Variants in TSPAN18 observed in about 807,000 individuals in gnomAD.
TSPAN18 encodes tetraspanin-18.
TSPAN18 carries 14 observed loss-of-function variants against 27.3 expected under a neutral mutation model. The observed-to-expected ratio is 0.51, with a 90% CI of 0.34 to 0.80. The LOEUF is 0.80. TSPAN18 is among the 30% of genes least tolerant of loss of function. TSPAN18 has a pLI of 0.01. For missense variants in TSPAN18, 268 were observed against 323.9 expected (o/e 0.83, Z 1.32); for synonymous variants, 143 against 136.5 (o/e 1.05, Z -0.33).
rs569204338 is a variant in TSPAN18, at chr11:44,909,495, G to A, written c.64-210G>A. On this transcript the variant is annotated intron_variant, in intron 4 of 9. Transcript: ENST00000520358. ...AAATTGGATTTAGAGGATGCGTGTT[G>A]CACTTAAGGTCACGGCAGCTAGAAA... 44 of 566,402 alleles carry A rather than the reference G, an allele frequency of 7.8e-5. No homozygotes were observed. In the East Asian group the frequency reaches 1.3e-3, roughly 16 times the overall value. 35.1% of individuals were successfully genotyped at this position (566,402 alleles called of 1,614,324 possible).
chr11:44,760,678 A>C (rs1855433975), intron 1 of TSPAN18, among the ~76,000 whole-genome samples: 1 of 152,202 alleles, frequency 6.6e-6, no homozygotes, highest in African/African-American at 2.4e-5. Flanking sequence ...TTTGGAAGAA[A>C]GAAGAGGAGG....
intron 8 of TSPAN18, among the ~76,000 whole-genome samples, chr11:44,923,234 G>T (rs1405032589): frequency 6.6e-6 from 1 of 152,220 alleles, no homozygotes; most frequent in Non-Finnish European, 1.5e-5. Flanking sequence ...TTGCGTGTGG[G>T]TGACCCATTG....
intron 5 of TSPAN18, among the ~76,000 whole-genome samples, chr11:44,915,803 T>G (rs1221160367): frequency 6.6e-6 from 1 of 152,224 alleles, no homozygotes; most frequent in African/African-American, 2.4e-5. Context: ...CTTCTCCAGC[T>G]TCAGCTTCCT....
chr11:44,869,605 A>C (rs1276912501), intron 3 of TSPAN18, among the ~76,000 whole-genome samples: 1 of 152,126 alleles, frequency 6.6e-6, no homozygotes, highest in Non-Finnish European at 1.5e-5. Flanking sequence ...CCAGGATGTG[A>C]TTGGTGCTGC....
intron 3 of TSPAN18, among the ~76,000 whole-genome samples, chr11:44,879,999 C>T (rs1289492613): frequency 6.6e-6 from 1 of 152,242 alleles, no homozygotes; most frequent in Non-Finnish European, 1.5e-5. Flanking sequence ...GCCCAGACAG[C>T]TGAGCCTCAC....
intron 3 of TSPAN18, among the ~76,000 whole-genome samples, chr11:44,893,878 C>T (rs572357282): frequency 3.3e-5 from 5 of 152,324 alleles, no homozygotes; most frequent in African/African-American, 7.2e-5. Flanking sequence ...TAGGCTCTCC[C>T]GACCCCAGCC....
chr11:44,740,852 CTTGGCTCA>C (rs1854915966), intron 1 of TSPAN18, among the ~76,000 whole-genome samples: 1 of 152,228 alleles, frequency 6.6e-6, no homozygotes, highest in Non-Finnish European at 1.5e-5. Flanking sequence ...GGGTTGAGAT[CTTGGCTCA>C]CTGCAACTTC....
intron 2 of TSPAN18, among the ~76,000 whole-genome samples, chr11:44,790,816 C>T (rs1856200920): frequency 6.6e-6 from 1 of 152,202 alleles, no homozygotes; most frequent in South Asian, 2.1e-4. Context: ...AGCTAATTCA[C>T]AGAGTCGGAG....
rs183975741 is a variant in TSPAN18 at position 44,805,584 on chromosome 11, G to A, written c.-153+41072G>A. ...TAGTGGGATCTCAGCTCAGTCACAC[G>A]GTCTCCCTGGTCATCCATGTTTGCC... is the stretch of plus-strand genomic sequence containing the variant. On this transcript the variant is annotated intron_variant, in intron 2 of 9. Coordinates refer to ENST00000520358, the MANE Select transcript of TSPAN18 (RefSeq NM_130783.5). Among the ~76,000 whole-genome samples the A allele has an allele frequency of 5.1e-3, 752 of 148,766 alleles. 2 individuals carry two copies. Among genetic ancestry groups the A allele is most frequent in the Non-Finnish European group, 8.3e-3 (566 of 68,024 alleles).
At chr11:44,800,314 A>C (rs1007679583) in intron 2 of TSPAN18, among the ~76,000 whole-genome samples, 3 of 152,202 alleles carry the variant, frequency 2.0e-5, no homozygotes, top group African/African-American at 7.2e-5. Context: ...ACTGAGGTTC[A>C]AAGAAGTGAA....
At position 44,866,656 on chromosome 11, in the gene TSPAN18, G is replaced by A. The variant is rs559331084; in HGVS notation, c.-11+6187G>A. Reference sequence around the variant, plus strand: ...GCTGTTCCGGGAACAGGGCACCTGAGCTTGTAACTTTTGGATCCTACCAAT... The same window carrying A: ...GCTGTTCCGGGAACAGGGCACCTGAACTTGTAACTTTTGGATCCTACCAAT... On this transcript the variant is annotated intron_variant, in intron 3 of 9. Transcript: ENST00000520358. Among the ~76,000 whole-genome samples, 6 of 152,336 alleles carry A rather than the reference G, an allele frequency of 3.9e-5. No individual in the cohort carries two copies. In the East Asian group the frequency reaches 7.7e-4, roughly 20 times the overall value.
intron 2 of TSPAN18, among the ~76,000 whole-genome samples, chr11:44,837,168 T>A (rs942862463): frequency 2.6e-5 from 4 of 152,256 alleles, no homozygotes; most frequent in Non-Finnish European, 4.4e-5. Flanking sequence ...TGGAAAGGAT[T>A]CACCATTCCA....
intron 3 of TSPAN18, among the ~76,000 whole-genome samples, chr11:44,900,493 G>A (rs772257770): frequency 6.6e-6 from 1 of 152,054 alleles, no homozygotes; most frequent in Non-Finnish European, 1.5e-5. Flanking sequence ...CCACCTCTCC[G>A]AGCCTCAGTT....
At chr11:44,825,903 C>T (rs924867993) in intron 2 of TSPAN18, among the ~76,000 whole-genome samples, 7 of 152,174 alleles carry the variant, frequency 4.6e-5, no homozygotes, top group African/African-American at 9.7e-5. Flanking sequence ...AAGGCAGCCT[C>T]GAAAACCAGG....
At chr11:44,915,826 G>A (rs1196115456) in intron 5 of TSPAN18, among the ~76,000 whole-genome samples, 1 of 152,158 alleles carries the variant, frequency 6.6e-6, no homozygotes, top group Non-Finnish European at 1.5e-5. Context: ...ACTTCGAAAA[G>A]GGGAAACTAC....
intron 8 of TSPAN18, among the ~76,000 whole-genome samples, chr11:44,921,276 C>T (rs1192458667): frequency 6.6e-6 from 1 of 152,194 alleles, no homozygotes; most frequent in African/African-American, 2.4e-5. Flanking sequence ...TTCAGGCTTC[C>T]ATGGCAGGCA....
At chr11:44,927,098 G>T (rs1005440463) in intron 9 of TSPAN18, among the ~76,000 whole-genome samples, 1 of 152,212 alleles carries the variant, frequency 6.6e-6, no homozygotes, top group African/African-American at 2.4e-5. Context: ...CAGCACGGCT[G>T]CCTTGAAGGA....
chr11:44,906,036 C>T (rs994496145), intron 3 of TSPAN18, among the ~76,000 whole-genome samples: 11 of 152,226 alleles, frequency 7.2e-5, no homozygotes, highest in South Asian at 2.1e-4. Context: ...AGAGCAACAA[C>T]GTGAAGCGGG....
chr11:44,753,663 A>G (rs1177562472), intron 1 of TSPAN18, among the ~76,000 whole-genome samples: 1 of 152,198 alleles, frequency 6.6e-6, no homozygotes, highest in Non-Finnish European at 1.5e-5. Context: ...CCATCGTCCC[A>G]AGCATCTATT....
Sources: allele counts gnomAD v4.1 joint callset (sites outside exome capture counted in the v4.1 genomes callset), GRCh38; gene constraint gnomAD v4.1.1; transcripts MANE v1.5; gene names NCBI Gene and HGNC (gene_info 2026-07-23, HGNC 2026-07-21).